Variants in LARP1 observed in about 807,000 individuals in gnomAD.
LARP1 encodes la-related protein 1.
LARP1 carries 36 observed loss-of-function variants against 122.7 expected under a neutral mutation model. That is an observed-to-expected ratio of 0.29 (90% CI 0.22 to 0.39). LARP1 has a LOEUF of 0.39. Ranked by LOEUF, LARP1 falls within the 10% of genes least tolerant of loss-of-function variation. The pLI is 1.00. For missense variants in LARP1, 1,040 were observed against 1,403.6 expected (o/e 0.74, Z 4.14); for synonymous variants, 539 against 528.7 (o/e 1.02, Z -0.27).
chr5:154,802,262 G>A lies in LARP1; in HGVS notation c.1972G>A (p.Gly658Arg), dbSNP rs774332403. The A allele has an allele frequency of 6.2e-7, 1 of 1,613,976 alleles. No homozygotes were observed. The highest frequency in any genetic ancestry group is 8.5e-7 in the Non-Finnish European group (1 of 1,179,932). Reference sequence around the variant, plus strand: ...ACCACATTACATGCGCCGGCACCCAGGGGGGGACCGCACAGGCAACCACAC... The same window carrying A: ...ACCACATTACATGCGCCGGCACCCAAGGGGGGACCGCACAGGCAACCACAC... ...QTPHYMRRHPGGDRTGNHTSR... is the reference protein window; with the variant it reads ...QTPHYMRRHPRGDRTGNHTSR... Residue 658 changes from glycine to arginine, a missense_variant, in exon 11 of 19, where the codon GGG becomes AGG. This residue lies in a region of LARP1 where 362 missense variants were observed against 533.1 expected (regional missense o/e 0.68). Coordinates refer to ENST00000518297, the MANE Select transcript of LARP1 (RefSeq NM_033551.3). The surrounding 1 kb of genome is among the most constrained non-coding windows in gnomAD (Gnocchi z 5.1).
Position 154,755,427 on chromosome 5 carries a change from C to T in LARP1, c.-331C>T, listed in dbSNP as rs1184570694. ...CGGGAAGCCCGGGCCGCCCCGGGGGCGGGGGGGAGGGAGGGACGGGACTAG... is the reference window on the plus strand; with the variant it reads ...CGGGAAGCCCGGGCCGCCCCGGGGGTGGGGGGGAGGGAGGGACGGGACTAG... On this transcript the variant is annotated 5_prime_UTR_variant, in exon 1 of 19. Coordinates refer to ENST00000518297, the MANE Select transcript of LARP1 (RefSeq NM_033551.3). 4.4e-6 allele frequency: 2 copies of T among 457,950 alleles called. No homozygotes were observed. The highest frequency in any genetic ancestry group is 5.7e-6 in the Non-Finnish European group (2 of 351,162). The allele number at this position is 457,950 out of a possible 1,614,324, so 28.4% of individuals were successfully genotyped here. A position where few individuals can be genotyped will look rare whatever the true frequency, so the allele number is the denominator to read the frequency against.
In LARP1 at chr5:154,756,123, C is replaced by A; in HGVS notation, c.366C>A (p.Pro122=). The change falls in exon 1 of 19, where the codon CCC becomes CCA. Residue 122 remains proline (P), a synonymous_variant. Coordinates refer to ENST00000518297, the MANE Select transcript of LARP1 (RefSeq NM_033551.3). ...GRRDFVEAPP[P]KVNPWTKNAL... The stretch of plus-strand genomic sequence containing the variant: ...GGGACTTCGTGGAAGCCCCCCCGCC[C>A]AAGGTGAACCCGTGGACTAAGAACG... 2 of 1,266,710 alleles carry A rather than the reference C, an allele frequency of 1.6e-6. No homozygotes were observed. The highest frequency in any genetic ancestry group is 1.0e-6 in the Non-Finnish European group (1 of 975,114). The allele number at this position is 1,266,710 out of a possible 1,614,324, so 78.5% of individuals were successfully genotyped here.
At position 154,814,365 on chromosome 5, in the gene LARP1, A is replaced by T. The variant is rs1357079197; in HGVS notation, c.*269A>T. ...GGGGAGGGAAAGGGGGGAGATTTTT[A>T]TATATATATACATATATATATATCA... On this transcript the variant is annotated 3_prime_UTR_variant, in exon 19 of 19. Coordinates refer to ENST00000518297, the MANE Select transcript of LARP1 (RefSeq NM_033551.3). The T allele has an allele frequency of 4.0e-6, 1 of 250,318 alleles. No individual in the cohort carries two copies. Among genetic ancestry groups the T allele is most frequent in the Admixed American group, 4.9e-5 (1 of 20,224 alleles). The allele number at this position is 250,318 out of a possible 1,614,324, so 15.5% of individuals were successfully genotyped here.
intron 16 of LARP1, 51 bp from the exon 17 acceptor site, chr5:154,811,196 C>T (rs1759244679): frequency 2.2e-6 from 3 of 1,360,718 alleles, no homozygotes; most frequent in African/African-American, 1.4e-5. Context: ...GCACATTTCC[C>T]GTTTTACAGA....
intron 1 of LARP1, among the ~76,000 whole-genome samples, chr5:154,733,187 T>TG (rs1297661252): frequency 2.0e-5 from 3 of 152,210 alleles, no homozygotes; most frequent in African/African-American, 4.8e-5. Flanking sequence ...GGTAGGGGTA[T>TG]TGTTTGACCA....
At chr5:154,807,207 G>T (rs943598232) in intron 15 of LARP1, among the ~76,000 whole-genome samples, 1 of 152,120 alleles carries the variant, frequency 6.6e-6, no homozygotes, top group Non-Finnish European at 1.5e-5. Flanking sequence ...CCATCGTATG[G>T]ATGTATCACA....
chr5:154,702,063 C>CTT (rs1188543371), intron 1 of LARP1, among the ~76,000 whole-genome samples: 1 of 152,148 alleles, frequency 6.6e-6, no homozygotes, highest in Non-Finnish European at 1.5e-5. Context: ...GATGATACTG[C>CTT]TTGAGCCACT....
chr5:154,764,743 A>C (rs1231448725), intron 1 of LARP1, among the ~76,000 whole-genome samples: 1 of 151,672 alleles, frequency 6.6e-6, no homozygotes, highest in Admixed American at 6.6e-5. Flanking sequence ...AGTCTCTACC[A>C]AAAATACAAA....
In LARP1 at chr5:154,765,405, C is replaced by T. The variant is rs567980045; in HGVS notation, c.436+9212C>T. On this transcript the variant is annotated intron_variant, in intron 1 of 18. Coordinates refer to ENST00000518297, the MANE Select transcript of LARP1 (RefSeq NM_033551.3). Reference sequence around the variant, plus strand: ...TAGTTCTCCCCACTGCCCCCCGCCGCCCCAAGGCAGGGTCTGAGTCTGTCA... The same window carrying T: ...TAGTTCTCCCCACTGCCCCCCGCCGTCCCAAGGCAGGGTCTGAGTCTGTCA... Among the ~76,000 whole-genome samples, 453 of 152,318 alleles carry T rather than the reference C, an allele frequency of 3.0e-3. 5 individuals carry two copies. The highest frequency in any genetic ancestry group is 0.01 in the African/African-American group (422 of 41,578).
intron 1 of LARP1, among the ~76,000 whole-genome samples, chr5:154,717,739 C>T (rs1274303546): frequency 6.6e-6 from 1 of 152,128 alleles, no homozygotes; most frequent in African/African-American, 2.4e-5. Context: ...CTCATCTGTT[C>T]CAGGAGGCCT....
chr5:154,794,376 C>T, intron 7 of LARP1, 114 bp downstream of exon 7: 1 of 981,228 alleles, frequency 1.0e-6, no homozygotes, highest in Non-Finnish European at 1.5e-6. Flanking sequence ...CAGCCTCAGG[C>T]TGAAAAGATA....
In LARP1 at chr5:154,755,445, G is replaced by C. The variant is rs1388954276; in HGVS notation, c.-313G>C. The C allele has an allele frequency of 3.2e-6, 2 of 628,116 alleles. No homozygotes were observed. The highest frequency in any genetic ancestry group is 4.0e-6 in the Non-Finnish European group (2 of 503,544). The allele number at this position is 628,116 out of a possible 1,614,324, so 38.9% of individuals were successfully genotyped here. On this transcript the variant is annotated 5_prime_UTR_variant, in exon 1 of 19. Coordinates refer to ENST00000518297, the MANE Select transcript of LARP1 (RefSeq NM_033551.3). ...CCGGGGGCGGGGGGGAGGGAGGGAC[G>C]GGACTAGAAGCCTGCCGGGCTCGGG...
At chr5:154,735,191 A>C (rs957261079) in intron 1 of LARP1, among the ~76,000 whole-genome samples, 1 of 152,210 alleles carries the variant, frequency 6.6e-6, no homozygotes, top group South Asian at 2.1e-4. Context: ...GTGGTGGCTC[A>C]TGCCTGTTAT....
At chr5:154,797,239 T>TTG (rs1561618153) in intron 8 of LARP1, among the ~76,000 whole-genome samples, 7 of 135,084 alleles carry the variant, frequency 5.2e-5, no homozygotes, top group African/African-American at 1.4e-4. Flanking sequence ...TTTTTTTTTT[T>TTG]TTTTTTTTTT....
At chr5:154,799,508 G>A (rs1758169148) in intron 8 of LARP1, 83 bp from the exon 9 acceptor site, 3 of 1,474,414 alleles carry the variant, frequency 2.0e-6, no homozygotes, top group Middle Eastern at 1.9e-4. Flanking sequence ...CCAAGCTCAG[G>A]GGAACCCAGT....
At chr5:154,793,308 C>T (rs1028119352) in intron 4 of LARP1, among the ~76,000 whole-genome samples, 3 of 152,156 alleles carry the variant, frequency 2.0e-5, no homozygotes, top group African/African-American at 7.2e-5. Flanking sequence ...CTCTGGAAAG[C>T]ATGGTCTTCA....
Position 154,697,911 on chromosome 5 carries a change from G to A in LARP1, c.-180+14874G>A, listed in dbSNP as rs559032127. 3.0e-3 allele frequency among the ~76,000 whole-genome samples: 455 copies of A among 152,194 alleles called. 1 individual carries two copies. The highest frequency in any genetic ancestry group is 5.1e-3 in the Non-Finnish European group (349 of 68,002). On this transcript the variant is annotated intron_variant, in intron 1 of 18. Coordinates refer to the LARP1 transcript ENST00000687700. ...TGCCATCATGGCTCACTGCAGCCTC[G>A]GACTCCTGGGCTCAAGTGATCCTCT...
At chr5:154,773,833 A>G (rs1755642566) in intron 1 of LARP1, among the ~76,000 whole-genome samples, 1 of 152,212 alleles carries the variant, frequency 6.6e-6, no homozygotes, top group Admixed American at 6.5e-5. Flanking sequence ...CTTGGGGAGA[A>G]CAAATGTGGA....
intron 1 of LARP1, among the ~76,000 whole-genome samples, chr5:154,748,948 T>G (rs1411496562): frequency 6.6e-6 from 1 of 152,234 alleles, no homozygotes; most frequent in Admixed American, 6.5e-5. Flanking sequence ...TTTTGCTCAC[T>G]TTTCTATGTC....
Sources: allele counts gnomAD v4.1 joint callset (sites outside exome capture counted in the v4.1 genomes callset), GRCh38; gene constraint gnomAD v4.1.1; regional missense constraint gnomAD v4.1.1; non-coding constraint Gnocchi (gnomAD v3.1); transcripts MANE v1.5; gene names NCBI Gene and HGNC (gene_info 2026-07-23, HGNC 2026-07-21).